Variants in DAB1 observed in about 807,000 individuals in gnomAD.
DAB1 encodes the protein DAB adaptor protein 1, also known as disabled homolog 1.
Under a neutral mutation model 64.6 loss-of-function variants are expected in DAB1, and 15 were observed. The ratio of observed to expected loss-of-function variants is 0.23; its 90% CI spans 0.16 to 0.36. DAB1 has a LOEUF of 0.36. Ranked by LOEUF, DAB1 falls within the 10% of genes least tolerant of loss-of-function variation. The pLI, the probability that DAB1 is intolerant of heterozygous loss-of-function variation, is 1.00. For missense variants in DAB1, 596 were observed against 706.7 expected, an observed-to-expected ratio of 0.84 and a Z score of 1.78; for synonymous variants, 235 against 251.9, an observed-to-expected ratio of 0.93 and a Z score of 0.64.
chr1:57,734,894 C>A (rs1281100397), intron 6 of DAB1, among the ~76,000 whole-genome samples: 2 of 152,194 alleles, frequency 1.3e-5, no homozygotes, highest in African/African-American at 4.8e-5. Flanking sequence ...TTTAAAGGAG[C>A]TCTTTTAATT....
At chr1:57,794,018 T>C (rs1569706023) in intron 6 of DAB1, among the ~76,000 whole-genome samples, 1 of 152,090 alleles carries the variant, frequency 6.6e-6, no homozygotes, top group African/African-American at 2.4e-5. Flanking sequence ...TAGGCTGGGG[T>C]CCTGAGGCTC....
At position 58,014,858 on chromosome 1, in the gene DAB1, A is replaced by G. The variant is rs571535007; in HGVS notation, n.388-130696T>C. On this transcript the variant is annotated intron_variant and non_coding_transcript_variant, in intron 5 of 20. Coordinates refer to the DAB1 transcript ENST00000485760. ...CTGACAGGAAAGGGCCTGGTCCCCA[A>G]GATAGGAGGAAACAAACAAAAGAAG... is the stretch of plus-strand genomic sequence containing the variant. Among the ~76,000 whole-genome samples, 6 of 152,328 alleles carry G rather than the reference A, an allele frequency of 3.9e-5. 1 individual carries two copies. Among genetic ancestry groups the G allele is most frequent in the Middle Eastern group, 6.8e-3 (2 of 294 alleles).
chr1:58,431,558 GAA>G (rs66832530), intron 3 of DAB1, among the ~76,000 whole-genome samples: 52 of 76,268 alleles, frequency 6.8e-4, no homozygotes, highest in Non-Finnish European at 5.8e-4. Context: ...ACTCCATCTG[GAA>G]AAAAAAAAAA....
intron 1 of DAB1, among the ~76,000 whole-genome samples, chr1:57,870,987 TAA>T (rs1643938783): frequency 6.6e-6 from 1 of 152,112 alleles, no homozygotes; most frequent in Non-Finnish European, 1.5e-5. Context: ...CCCAAAACAG[TAA>T]ACCATTCAAT....
chr1:58,426,761 C>T (rs2100231962), intron 3 of DAB1, among the ~76,000 whole-genome samples: 2 of 152,054 alleles, frequency 1.3e-5, no homozygotes, highest in South Asian at 4.2e-4. Context: ...CTATTTAGGG[C>T]CTAAAGATCT....
intron 4 of DAB1, among the ~76,000 whole-genome samples, chr1:57,126,692 T>C (rs915889532): frequency 6.6e-6 from 1 of 152,194 alleles, no homozygotes; most frequent in African/African-American, 2.4e-5. Flanking sequence ...GTTTTCCTCA[T>C]TGCAGTTCAA....
chr1:57,286,292 A>C lies in DAB1; in HGVS notation c.67+4672T>G, dbSNP rs915530214. Among the ~76,000 whole-genome samples, 6 of 152,168 alleles carry C rather than the reference A, an allele frequency of 3.9e-5. No individual in the cohort carries two copies. In the East Asian group the frequency reaches 1.2e-3, roughly 29 times the overall value. ...CTCTTTCTCACAATAGATGACCCAAATTGTCAGGTATTCTTTTTTCAGGAG... is the reference window on the plus strand; with the variant it reads ...CTCTTTCTCACAATAGATGACCCAACTTGTCAGGTATTCTTTTTTCAGGAG... On this transcript the variant is annotated intron_variant, in intron 2 of 14. Transcript: ENST00000371236.
intron 3 of DAB1, among the ~76,000 whole-genome samples, chr1:58,408,509 C>T (rs1175918604): frequency 6.6e-6 from 1 of 152,180 alleles, no homozygotes; most frequent in Non-Finnish European, 1.5e-5. Context: ...ATTGATCTAT[C>T]CGTAGTGTCC....
At chr1:57,842,443 C>T (rs1219876667) in intron 1 of DAB1, among the ~76,000 whole-genome samples, 2 of 152,126 alleles carry the variant, frequency 1.3e-5, no homozygotes, top group South Asian at 2.1e-4. Context: ...TATAGCAATG[C>T]CCCACTTCTC....
At chr1:57,321,831 T>C (rs1451528143) in intron 1 of DAB1, among the ~76,000 whole-genome samples, 1 of 152,090 alleles carries the variant, frequency 6.6e-6, no homozygotes, top group East Asian at 1.9e-4. Flanking sequence ...ACTACTGTCA[T>C]CATCACCAAC....
intron 2 of DAB1, among the ~76,000 whole-genome samples, chr1:57,174,961 T>C (rs1662143760): frequency 6.6e-6 from 1 of 152,162 alleles, no homozygotes; most frequent in Non-Finnish European, 1.5e-5. Flanking sequence ...GTTCAATATT[T>C]AAAAATAATT....
chr1:57,728,363 G>T (rs1457317194), intron 6 of DAB1, among the ~76,000 whole-genome samples: 2 of 152,296 alleles, frequency 1.3e-5, no homozygotes, highest in South Asian at 4.2e-4. Flanking sequence ...GGAGGCCACG[G>T]CAGGCAGATC....
At chr1:57,035,614 T>C (rs900030861) in intron 9 of DAB1, among the ~76,000 whole-genome samples, 14 of 152,182 alleles carry the variant, frequency 9.2e-5, no homozygotes, top group Admixed American at 2.0e-4. Context: ...CGTCAGGCCA[T>C]GGATGTGCTG....
At chr1:57,145,094 T>C (rs1336290025) in intron 3 of DAB1, among the ~76,000 whole-genome samples, 196 bp downstream of exon 3, 2 of 152,172 alleles carry the variant, frequency 1.3e-5, no homozygotes, top group Admixed American at 1.3e-4. Context: ...CCAAAATATT[T>C]CCACATAGTA....
intron 1 of DAB1, among the ~76,000 whole-genome samples, chr1:57,366,900 T>A (rs1008431625): frequency 6.6e-6 from 1 of 151,802 alleles, no homozygotes; most frequent in Non-Finnish European, 1.5e-5. Context: ...CCCAGGAATG[T>A]AAACTGACTA....
chr1:57,266,481 G>C (rs1670597912), intron 2 of DAB1, among the ~76,000 whole-genome samples: 1 of 152,004 alleles, frequency 6.6e-6, no homozygotes, highest in South Asian at 2.1e-4. Flanking sequence ...TTATGATCTA[G>C]GCCCAATGCC....
intron 3 of DAB1, among the ~76,000 whole-genome samples, chr1:58,499,477 T>TATAG (rs60917151): frequency 0.027 from 3,901 of 143,744 alleles, 96 homozygotes; most frequent in Admixed American, 0.032. Flanking sequence ...AAAGCCAGAC[T>TATAG]ATAGATAGAT....
At chr1:57,715,339 G>A (rs1347729644) in intron 6 of DAB1, among the ~76,000 whole-genome samples, 2 of 152,158 alleles carry the variant, frequency 1.3e-5, no homozygotes, top group South Asian at 4.1e-4. Flanking sequence ...ACAGGGAAAA[G>A]CTGAAAGCTT....
At chr1:57,753,340 T>C (rs947349237) in intron 6 of DAB1, among the ~76,000 whole-genome samples, 1 of 152,204 alleles carries the variant, frequency 6.6e-6, no homozygotes, top group African/African-American at 2.4e-5. Context: ...CCACTGGACC[T>C]AATGAGAACT....
Sources: allele counts gnomAD v4.1 joint callset (sites outside exome capture counted in the v4.1 genomes callset), GRCh38; gene constraint gnomAD v4.1.1; transcripts MANE v1.5; gene names NCBI Gene and HGNC (gene_info 2026-07-23, HGNC 2026-07-21).